MBD5: variants seen among roughly 807,000 people sequenced by gnomAD.
MBD5 encodes methyl-CpG binding domain protein 5.
Under a neutral mutation model 117.3 loss-of-function variants are expected in MBD5, and 13 were observed. That is an observed-to-expected ratio of 0.11 (90% CI 0.07 to 0.18). The LOEUF is 0.18. Ranked by LOEUF, MBD5 falls within the 10% of genes least tolerant of loss-of-function variation. The pLI is 1.00. For missense variants in MBD5, 1,879 were observed against 2,093.8 expected (o/e 0.90, Z 2.00); for synonymous variants, 727 against 766.4 (o/e 0.95, Z 0.85).
intron 4 of MBD5, among the ~76,000 whole-genome samples, chr2:148,345,429 A>G (rs1052036446): frequency 1.0e-5 from 1 of 98,952 alleles, no homozygotes; most frequent in Non-Finnish European, 2.5e-5. Context: ...ATATATACAC[A>G]TATACATATG....
chr2:148,427,754 C>T (rs968486722), intron 4 of MBD5, among the ~76,000 whole-genome samples: 5 of 151,124 alleles, frequency 3.3e-5, no homozygotes, highest in African/African-American at 7.3e-5. Flanking sequence ...CAAACCTGCA[C>T]GTTGTGCAGA....
chr2:148,427,916 T>C (rs1470670195), intron 4 of MBD5, among the ~76,000 whole-genome samples: 1 of 151,990 alleles, frequency 6.6e-6, no homozygotes, highest in Non-Finnish European at 1.5e-5. Flanking sequence ...CTGGAAGCAT[T>C]CCCTTTGAAA....
intron 3 of MBD5, among the ~76,000 whole-genome samples, chr2:148,282,442 A>G (rs771490139): frequency 3.7e-4 from 56 of 152,084 alleles, no homozygotes; most frequent in Non-Finnish European, 6.3e-4. Flanking sequence ...TCTTTTCAAA[A>G]CCTTTGTTTC....
intron 3 of MBD5, among the ~76,000 whole-genome samples, chr2:148,236,975 G>A (rs1700105074): frequency 6.6e-6 from 1 of 152,122 alleles, no homozygotes; most frequent in Non-Finnish European, 1.5e-5. Context: ...TCTATGTTGT[G>A]TAGACAACTT....
intron 4 of MBD5, among the ~76,000 whole-genome samples, chr2:148,358,470 C>G (rs1483898127): frequency 1.3e-5 from 2 of 152,078 alleles, no homozygotes; most frequent in East Asian, 1.9e-4. Flanking sequence ...ACAATACTTT[C>G]TCCTATTATA....
At chr2:148,080,675 G>T (rs1329903936) in intron 1 of MBD5, among the ~76,000 whole-genome samples, 1 of 152,012 alleles carries the variant, frequency 6.6e-6, no homozygotes, top group African/African-American at 2.4e-5. Context: ...GCTGATTTGT[G>T]AATCTACTAA....
Position 148,462,704 on chromosome 2 carries a change from T to C in MBD5, c.216+20T>C, listed in dbSNP as rs1327941874. The C allele has an allele frequency of 2.1e-6, 3 of 1,438,410 alleles. No homozygotes were observed. Among genetic ancestry groups the C allele is most frequent in the Non-Finnish European group, 2.9e-6 (3 of 1,021,292 alleles). The allele number at this position is 1,438,410 out of a possible 1,614,324, so 89.1% of individuals were successfully genotyped here. A position where few individuals can be genotyped will look rare whatever the true frequency, so the allele number is the denominator to read the frequency against. ...CCCAAGGTAACCATTTCACAATAGA[T>C]CTACAGCAGTGTTTTATTTTTTAGG... On this transcript the variant is annotated intron_variant, in intron 6 of 13. Transcript: ENST00000642680.
At chr2:148,214,413 A>G (rs1217817333) in intron 2 of MBD5, among the ~76,000 whole-genome samples, 1 of 152,194 alleles carries the variant, frequency 6.6e-6, no homozygotes, top group Non-Finnish European at 1.5e-5. Flanking sequence ...ATGTAAAAAC[A>G]ATTCACACAG....
intron 1 of MBD5, among the ~76,000 whole-genome samples, chr2:148,030,755 T>C (rs917157491): frequency 2.6e-5 from 4 of 152,178 alleles, no homozygotes; most frequent in Non-Finnish European, 4.4e-5. Context: ...TACTTACGTA[T>C]TGAAGTAAAA....
intron 4 of MBD5, among the ~76,000 whole-genome samples, chr2:148,438,537 G>A (rs549986743): frequency 7.9e-5 from 12 of 152,316 alleles, no homozygotes; most frequent in African/African-American, 2.9e-4. Flanking sequence ...ACAGTAAGAA[G>A]GAAGGATATT....
At chr2:148,212,758 GAGGAAAATTTTT>G (rs140350204) in intron 2 of MBD5, among the ~76,000 whole-genome samples, 2,756 of 152,214 alleles carry the variant, frequency 0.018, 92 homozygotes, top group African/African-American at 0.061. Context: ...GTCATCTCTA[GAGGAAAATTTTT>G]AGCATATTCA....
chr2:148,424,193 A>C (rs1235378843), intron 4 of MBD5, among the ~76,000 whole-genome samples: 3 of 79,542 alleles, frequency 3.8e-5, no homozygotes, highest in African/African-American at 7.6e-5. Flanking sequence ...AAAAAAAAAA[A>C]AAAAAAAAAA....
At chr2:148,273,092 G>A (rs1235787561) in intron 3 of MBD5, among the ~76,000 whole-genome samples, 1 of 151,774 alleles carries the variant, frequency 6.6e-6, no homozygotes, top group Non-Finnish European at 1.5e-5. Flanking sequence ...TTTCTTTATT[G>A]TCTCATTTCC....
At chr2:148,363,794 G>A (rs1442459688) in intron 4 of MBD5, among the ~76,000 whole-genome samples, 1 of 152,096 alleles carries the variant, frequency 6.6e-6, no homozygotes, top group South Asian at 2.1e-4. Context: ...CTAGATTAGA[G>A]AAAAAAGAAT....
At position 148,493,277 on chromosome 2, in the gene MBD5, T is replaced by C. The variant is rs73003510; in HGVS notation, c.4962+2683T>C. ...TTAAACTTTCTTAGCTTCTCAGCTTTCATACTATTTCTATGTCCACCAAAG... is the reference window on the plus strand; with the variant it reads ...TTAAACTTTCTTAGCTTCTCAGCTTCCATACTATTTCTATGTCCACCAAAG... On this transcript the variant is annotated intron_variant, in intron 11 of 13. Transcript: ENST00000642680. 5.1e-3 allele frequency among the ~76,000 whole-genome samples: 774 copies of C among 152,350 alleles called. 9 individuals are homozygous for C. Among genetic ancestry groups the C allele is most frequent in the African/African-American group, 0.018 (738 of 41,586 alleles).
intron 4 of MBD5, among the ~76,000 whole-genome samples, chr2:148,457,419 T>C (rs1379595079): frequency 6.6e-6 from 1 of 152,164 alleles, no homozygotes; most frequent in Non-Finnish European, 1.5e-5. Context: ...TGAAGTTGCA[T>C]TCCCCACAAG....
chr2:148,373,723 A>G (rs1026415516), intron 4 of MBD5, among the ~76,000 whole-genome samples: 1 of 152,184 alleles, frequency 6.6e-6, no homozygotes, highest in Non-Finnish European at 1.5e-5. Flanking sequence ...ATTGTTAATG[A>G]AAGCACAAAC....
intron 1 of MBD5, among the ~76,000 whole-genome samples, chr2:148,082,074 A>T (rs1420790193): frequency 6.6e-6 from 1 of 152,078 alleles, no homozygotes. Flanking sequence ...TTCCATACTT[A>T]TTCCTCTTTG....
chr2:148,291,165 G>A (rs116600046), intron 3 of MBD5, among the ~76,000 whole-genome samples: 225 of 152,240 alleles, frequency 1.5e-3, no homozygotes, highest in Non-Finnish European at 2.8e-3. Flanking sequence ...TTTTAAAATG[G>A]TGTGTTTGGG....
Sources: allele counts gnomAD v4.1 joint callset (sites outside exome capture counted in the v4.1 genomes callset), GRCh38; gene constraint gnomAD v4.1.1; transcripts MANE v1.5; gene names NCBI Gene and HGNC (gene_info 2026-07-23, HGNC 2026-07-21).